The following NCOA6 variants were observed in gnomAD, a reference collection of about 807,000 sequenced individuals.
NCOA6 encodes the protein NRC RAP250.
In NCOA6, 49 loss-of-function variants were observed where a neutral mutation model predicts 171.4. The ratio of observed to expected loss-of-function variants is 0.29; its 90% CI spans 0.23 to 0.36. The LOEUF is 0.36. Among genes scored for constraint, NCOA6 ranks in the 10% least tolerant of loss-of-function variants. NCOA6 has a pLI of 1.00. For missense variants in NCOA6, 2,248 were observed against 2,554.5 expected, an observed-to-expected ratio of 0.88 and a Z score of 2.59; for synonymous variants, 910 against 927.5, an observed-to-expected ratio of 0.98 and a Z score of 0.34.
intron 1 of NCOA6, among the ~76,000 whole-genome samples, chr20:34,803,164 C>A (rs189651147): frequency 6.6e-6 from 1 of 152,026 alleles, no homozygotes; most frequent in Non-Finnish European, 1.5e-5. Flanking sequence ...TGCTACACTT[C>A]GTAAGTAATC....
intron 6 of NCOA6, 51 bp downstream of exon 6, chr20:34,758,753 AT>A (rs2076727365): frequency 5.7e-6 from 9 of 1,588,618 alleles, no homozygotes; most frequent in Non-Finnish European, 7.7e-6. Flanking sequence ...TTTTATAATG[AT>A]CTGTGCAGAA....
chr20:34,776,398 C>T lies in NCOA6; in HGVS notation c.286G>A (p.Val96Met), dbSNP rs1357231450. 6.2e-7 allele frequency: 1 copy of T among 1,614,172 alleles called. No individual in the cohort carries two copies. Among genetic ancestry groups the T allele is most frequent in the Non-Finnish European group, 8.5e-7 (1 of 1,180,024 alleles). ...GCTTCCCGGGGGATGTTGAATGTCA[C>T]ACGCACGCTGTTCCAGGGCTCCACC... Reference protein sequence around the residue: ...QKVEPWNSVRVTFNIPREAAE... With the variant: ...QKVEPWNSVRMTFNIPREAAE... The change falls in exon 4 of 15, where the codon GTG becomes ATG. Residue 96 changes from valine to methionine, a missense_variant. Val to Met is a conservative substitution (Grantham distance 21). This residue lies in a region of NCOA6 where 987 missense variants were observed against 1,104.7 expected (regional missense o/e 0.89). Transcript: ENST00000359003.
intron 12 of NCOA6, 101 bp downstream of exon 12, chr20:34,736,589 T>C: frequency 4.1e-6 from 4 of 967,530 alleles, no homozygotes; most frequent in Admixed American, 2.6e-5. Context: ...AAATAGTTCC[T>C]GTCACTTCCT....
chr20:34,778,149 G>A (rs367753597), intron 3 of NCOA6, among the ~76,000 whole-genome samples: 12 of 151,984 alleles, frequency 7.9e-5, no homozygotes, highest in Admixed American at 1.3e-4. Context: ...ATGATCGCCC[G>A]CCTCGGCCTC....
intron 8 of NCOA6, among the ~76,000 whole-genome samples, chr20:34,752,507 C>A (rs923009765): frequency 4.6e-5 from 7 of 152,106 alleles, no homozygotes; most frequent in Non-Finnish European, 8.8e-5. Flanking sequence ...GCAAGAGACA[C>A]AACTAACAAA....
At chr20:34,800,286 A>C (rs1432477582) in intron 1 of NCOA6, among the ~76,000 whole-genome samples, 3 of 152,180 alleles carry the variant, frequency 2.0e-5, no homozygotes, top group Non-Finnish European at 4.4e-5. Context: ...CACTAAAAGA[A>C]AGACAGGAAG....
chr20:34,741,427 G>C lies in NCOA6; in HGVS notation c.4829C>G (p.Ala1610Gly), dbSNP rs772538398. 1.2e-6 allele frequency: 2 copies of C among 1,614,218 alleles called. No individual in the cohort carries two copies. Among genetic ancestry groups the C allele is most frequent in the African/African-American group, 2.7e-5 (2 of 75,058 alleles). Residue 1610 changes from alanine to glycine, a missense_variant, in exon 11 of 15, where the codon GCT becomes GGT. By Grantham distance (60) the Ala-to-Gly change is moderately conservative (BLOSUM62 0). Coordinates refer to ENST00000359003, the MANE Select transcript of NCOA6 (RefSeq NM_014071.5). The stretch of plus-strand genomic sequence containing the variant: ...AGTTGGCAAAGCTGCTGATGTGTTA[G>C]CTGAAGTTGTGATGGGATTGGAAGT... ...FVTSNPITTSANTSAALPTHL... is the reference protein window; with the variant it reads ...FVTSNPITTSGNTSAALPTHL...
chr20:34,738,882 C>T, intron 11 of NCOA6: 1 of 456,044 alleles, frequency 2.2e-6, no homozygotes, highest in African/African-American at 2.0e-5. Flanking sequence ...TTCTTTCTGC[C>T]TCTCCTCCTG....
intron 2 of NCOA6, 47 bp from the exon 3 acceptor site, chr20:34,782,451 TTCAACAA>T: frequency 1.2e-5 from 6 of 504,398 alleles, no homozygotes; most frequent in Non-Finnish European, 2.1e-5. Flanking sequence ...TAGTTATGCA[TTCAACAA>T]TGTATAATTC....
At chr20:34,746,712 T>A in intron 10 of NCOA6, 95 bp downstream of exon 10, 9 of 1,352,688 alleles carry the variant, frequency 6.7e-6, no homozygotes, top group Non-Finnish European at 8.9e-6. Context: ...AGTTAGCAGA[T>A]AAAATAAAAT....
At chr20:34,780,538 C>G (rs1023052786) in intron 3 of NCOA6, among the ~76,000 whole-genome samples, 5 of 151,980 alleles carry the variant, frequency 3.3e-5, no homozygotes, top group African/African-American at 7.2e-5. Flanking sequence ...TTTTAGTAGA[C>G]AAGGTTTCAC....
chr20:34,797,988 G>A (rs1288336917), intron 1 of NCOA6, among the ~76,000 whole-genome samples: 1 of 152,144 alleles, frequency 6.6e-6, no homozygotes, highest in Non-Finnish European at 1.5e-5. Context: ...TCCAGGCCTT[G>A]GTTCTTGGAT....
intron 9 of NCOA6, among the ~76,000 whole-genome samples, chr20:34,748,229 T>C (rs1386571308): frequency 2.0e-5 from 3 of 152,140 alleles, no homozygotes; most frequent in African/African-American, 7.2e-5. Context: ...CATAGGTTGA[T>C]GCTAGTAAAG....
intron 5 of NCOA6, among the ~76,000 whole-genome samples, chr20:34,766,010 T>A (rs2076971985): frequency 6.6e-6 from 1 of 152,178 alleles, no homozygotes; most frequent in South Asian, 2.1e-4. Flanking sequence ...CTTATTATTG[T>A]TTTAGAGGGG....
intron 14 of NCOA6, among the ~76,000 whole-genome samples, chr20:34,716,005 T>C (rs1175577295): frequency 6.6e-6 from 1 of 151,326 alleles, no homozygotes; most frequent in Non-Finnish European, 1.5e-5. Flanking sequence ...TTGCCTGAGG[T>C]GAGGAGTTTG....
intron 1 of NCOA6, among the ~76,000 whole-genome samples, chr20:34,811,830 T>C (rs968286482): frequency 1.3e-5 from 2 of 152,252 alleles, no homozygotes; most frequent in African/African-American, 4.8e-5. Flanking sequence ...GGATAACTTA[T>C]AAGACATTGT....
intron 2 of NCOA6, among the ~76,000 whole-genome samples, chr20:34,789,744 G>A (rs893675158): frequency 1.1e-4 from 16 of 152,148 alleles, no homozygotes; most frequent in Non-Finnish European, 7.3e-5. Flanking sequence ...CTGAAATTGT[G>A]CTACTGCACT....
chr20:34,763,725 G>C (rs2076885216), intron 5 of NCOA6, among the ~76,000 whole-genome samples: 1 of 152,152 alleles, frequency 6.6e-6, no homozygotes, highest in Admixed American at 6.5e-5. Flanking sequence ...AAATGCAAGA[G>C]GGTAGAGAAG....
chr20:34,727,210 T>G, intron 14 of NCOA6, 49 bp downstream of exon 14: 1 of 1,593,134 alleles, frequency 6.3e-7, no homozygotes, highest in South Asian at 1.1e-5. Flanking sequence ...TGGTAAGAAC[T>G]CTATTCCTCT....
Sources: gnomAD v4.1 joint callset for allele counts (sites outside exome capture counted in the v4.1 genomes callset) on GRCh38, gnomAD v4.1.1 for gene constraint, gnomAD v4.1.1 regional missense constraint, MANE v1.5 for transcripts, NCBI Gene and HGNC (gene_info 2026-07-23, HGNC 2026-07-21) for gene names.